RAD51B: variants seen among roughly 807,000 people sequenced by gnomAD.
RAD51B encodes DNA repair protein RAD51 homolog 2.
A neutral mutation model predicts 42.2 loss-of-function variants in RAD51B; 38 were observed. The ratio of observed to expected loss-of-function variants is 0.90; its 90% CI spans 0.70 to 1.18. The LOEUF (loss-of-function observed/expected upper bound fraction) is 1.18. Among genes scored for constraint, RAD51B ranks in the 50% most tolerant of loss-of-function variants. RAD51B has a pLI of 0.00. For synonymous variants in RAD51B, 154 were observed against 145.2 expected, an observed-to-expected ratio of 1.06 and a Z score of -0.43; for missense variants, 373 against 400.7, an observed-to-expected ratio of 0.93 and a Z score of 0.59.
At chr14:68,096,745 C>A (rs1257045603) in intron 7 of RAD51B, among the ~76,000 whole-genome samples, 1 of 152,136 alleles carries the variant, frequency 6.6e-6, no homozygotes, top group African/African-American at 2.4e-5. Flanking sequence ...ACTTTGGTTG[C>A]CAGGAAGGCT....
At chr14:68,076,395 G>A (rs2140479559) in intron 7 of RAD51B, among the ~76,000 whole-genome samples, 1 of 152,308 alleles carries the variant, frequency 6.6e-6, no homozygotes, top group South Asian at 2.1e-4. Context: ...AGTGAGCTTA[G>A]AAAGTTTAAT....
At chr14:67,923,394 G>A (rs1173900108) in intron 7 of RAD51B, among the ~76,000 whole-genome samples, 1 of 150,304 alleles carries the variant, frequency 6.7e-6, no homozygotes, top group African/African-American at 2.5e-5. Context: ...CTGCCTCCCG[G>A]GTTCAAGGAA....
chr14:68,191,041 T>TA (rs957898537), intron 7 of RAD51B, among the ~76,000 whole-genome samples: 12 of 127,334 alleles, frequency 9.4e-5, no homozygotes, highest in African/African-American at 3.4e-4. Flanking sequence ...AGCTTTTTTT[T>TA]AAAAAAAGAG....
chr14:68,537,232 C>T (rs1887679666), intron 10 of RAD51B, among the ~76,000 whole-genome samples: 1 of 152,046 alleles, frequency 6.6e-6, no homozygotes, highest in South Asian at 2.1e-4. Flanking sequence ...GTCGCAGTGG[C>T]TCACGCCTGT....
At position 68,411,506 on chromosome 14, in the gene RAD51B, C is replaced by A; in HGVS notation, c.936C>A (p.Tyr312Ter). Reference sequence around the variant, plus strand: ...TGAATACCCGGCTGATCCTCCAGTACCTTGATTCAGAGAGAAGACAGGTGG... The same window carrying A: ...TGAATACCCGGCTGATCCTCCAGTAACTTGATTCAGAGAGAAGACAGGTGG... ...HSVNTRLILQ[Y>*]LDSERRQILI... Residue 312 changes from tyrosine (Y) to a stop codon, truncating the protein, a stop_gained, in exon 9 of 11, where the codon TAC becomes TAA. Transcript: ENST00000471583. LOFTEE classifies it high-confidence loss of function. The A allele has an allele frequency of 6.2e-7, 1 of 1,614,004 alleles. No homozygotes were observed. The highest frequency in any genetic ancestry group is 1.1e-5 in the South Asian group (1 of 91,072).
chr14:68,578,304 G>A lies in RAD51B; in HGVS notation c.1037-16181G>A, dbSNP rs529971473. ...CATGCACCTGTAATCCCAGCTACTCGGGAGGCTGAGGCAAGAGAATCGCTT... is the reference window on the plus strand; with the variant it reads ...CATGCACCTGTAATCCCAGCTACTCAGGAGGCTGAGGCAAGAGAATCGCTT... On this transcript the variant is annotated intron_variant, in intron 10 of 10. Coordinates refer to the RAD51B transcript ENST00000487270. Among the ~76,000 whole-genome samples the A allele has an allele frequency of 3.0e-3, 456 of 152,236 alleles. 3 individuals carry two copies. The highest frequency in any genetic ancestry group is 4.5e-3 in the Non-Finnish European group (309 of 68,020).
intron 11 of RAD51B, among the ~76,000 whole-genome samples, chr14:68,678,178 C>A (rs529431112): frequency 1.3e-5 from 2 of 152,292 alleles, no homozygotes; most frequent in South Asian, 4.1e-4. Context: ...ACGTTCTTAA[C>A]CGCTGAGCTC....
rs558264111 is a variant in RAD51B at position 68,186,870 on chromosome 14, C to T, written c.757-105014C>T. On this transcript the variant is annotated intron_variant, in intron 7 of 10. Coordinates refer to ENST00000471583, the MANE Select transcript of RAD51B (RefSeq NM_133510.4). ...AGCAATTCCATTACTGGGTATATAT[C>T]CAATAGAAAACAAATTTTTCTACGA... Among the ~76,000 whole-genome samples, 11 of 152,198 alleles carry T rather than the reference C, an allele frequency of 7.2e-5. No individual in the cohort carries two copies. The South Asian group carries it at 1.5e-3, about 20-fold the overall frequency.
At position 67,862,906 on chromosome 14, in the gene RAD51B, G is replaced by C. The variant is rs147666932; in HGVS notation, c.316-2097G>C. Among the ~76,000 whole-genome samples, 1,363 of 151,884 alleles carry C rather than the reference G, an allele frequency of 9.0e-3. 20 individuals are homozygous for C. The highest frequency in any genetic ancestry group is 0.031 in the African/African-American group (1,288 of 41,466). Reference sequence around the variant, plus strand: ...TTTGTGTGTGTTTTATACTCTATAGGACATATTAGTAAAATAGTATGTTCA... The same window carrying C: ...TTTGTGTGTGTTTTATACTCTATAGCACATATTAGTAAAATAGTATGTTCA... On this transcript the variant is annotated intron_variant, in intron 4 of 10. Coordinates refer to ENST00000471583, the MANE Select transcript of RAD51B (RefSeq NM_133510.4).
chr14:68,162,608 A>AC (rs1173797156), intron 7 of RAD51B, among the ~76,000 whole-genome samples: 1 of 152,056 alleles, frequency 6.6e-6, no homozygotes, highest in African/African-American at 2.4e-5. Context: ...ACACGGTGAA[A>AC]CCCCGTCTTG....
intron 10 of RAD51B, chr14:68,563,858 G>C: frequency 1.0e-6 from 1 of 985,446 alleles, no homozygotes; most frequent in Non-Finnish European, 1.2e-6. Context: ...GTTGGTTTCC[G>C]ATCCCTGGCA....
intron 7 of RAD51B, among the ~76,000 whole-genome samples, chr14:68,250,851 A>T (rs1282132606): frequency 6.6e-5 from 10 of 152,236 alleles, no homozygotes; most frequent in Non-Finnish European, 2.9e-5. Flanking sequence ...AGACTGCCCC[A>T]GTGCAGCAGC....
intron 7 of RAD51B, among the ~76,000 whole-genome samples, chr14:68,237,645 A>AT (rs151325686): frequency 0.016 from 2,406 of 149,390 alleles, 33 homozygotes; most frequent in Non-Finnish European, 0.026. Flanking sequence ...TGGATTTGAG[A>AT]TTTTTTTCTG....
At chr14:68,530,121 C>A (rs1484936991) in intron 10 of RAD51B, among the ~76,000 whole-genome samples, 1 of 151,442 alleles carries the variant, frequency 6.6e-6, no homozygotes, top group Non-Finnish European at 1.5e-5. Context: ...GATAGTAAAC[C>A]TATCTACCTC....
intron 9 of RAD51B, among the ~76,000 whole-genome samples, chr14:68,457,773 A>ATTTTTTTTTTT (rs771439291): frequency 9.4e-6 from 1 of 106,766 alleles, no homozygotes; most frequent in Non-Finnish European, 1.9e-5. Flanking sequence ...TAATTTTTGT[A>ATTTTTTTTTTT]TTTTTTTTTT....
rs565346630 is a variant in RAD51B at position 67,892,723 on chromosome 14, T to C, written c.756+5519T>C. Among the ~76,000 whole-genome samples the C allele has an allele frequency of 4.6e-5, 7 of 152,342 alleles. No individual in the cohort carries two copies. The South Asian group carries it at 1.5e-3, about 32-fold the overall frequency. On this transcript the variant is annotated intron_variant, in intron 7 of 10. Transcript: ENST00000471583. Reference sequence around the variant, plus strand: ...TATTTTTCTCTGGGGATCTGGGGACTACAATCTAAATAGCTGAGGTCATCT... The same window carrying C: ...TATTTTTCTCTGGGGATCTGGGGACCACAATCTAAATAGCTGAGGTCATCT...
intron 7 of RAD51B, among the ~76,000 whole-genome samples, chr14:68,260,074 G>C (rs1467882748): frequency 2.0e-5 from 3 of 152,028 alleles, no homozygotes; most frequent in Admixed American, 1.3e-4. Context: ...GTGATAATGG[G>C]GGGGTGTGGA....
At chr14:68,442,435 CTTTTTTT>C (rs774360651) in intron 9 of RAD51B, among the ~76,000 whole-genome samples, 5 of 68,406 alleles carry the variant, frequency 7.3e-5, no homozygotes, top group Non-Finnish European at 1.0e-4. Flanking sequence ...AGGCATTGTG[CTTTTTTT>C]TTTTTTTTTT....
chr14:68,398,059 TCA>T (rs2083977568), intron 8 of RAD51B, among the ~76,000 whole-genome samples: 2 of 152,180 alleles, frequency 1.3e-5, no homozygotes, highest in African/African-American at 4.8e-5. Flanking sequence ...CCATAAATCC[TCA>T]CACTCTGGGC....
Sources: allele counts gnomAD v4.1 joint callset (sites outside exome capture counted in the v4.1 genomes callset), GRCh38; gene constraint gnomAD v4.1.1; transcripts MANE v1.5; gene names NCBI Gene and HGNC (gene_info 2026-07-23, HGNC 2026-07-21).